Variants in NEK10 observed in about 807,000 individuals in gnomAD.
NEK10 encodes NIMA related kinase 10.
A neutral mutation model predicts 159.8 loss-of-function variants in NEK10; 122 were observed. The observed-to-expected ratio is 0.76, with a 90% CI of 0.66 to 0.89. The LOEUF is 0.89. Ranked by LOEUF, NEK10 falls within the 40% of genes least tolerant of loss-of-function variation. The pLI is 0.00. For missense variants in NEK10, 1,342 were observed against 1,323.1 expected, an observed-to-expected ratio of 1.01 and a Z score of -0.22; for synonymous variants, 466 against 457.1, an observed-to-expected ratio of 1.02 and a Z score of -0.25.
rs1939235634 is a variant in NEK10 at position 27,108,830 on chromosome 3, GATGTGACTCT to G, written c.*2432_*2441del. Among the ~76,000 whole-genome samples, 1 of 152,120 alleles carries G rather than the reference GATGTGACTCT, an allele frequency of 6.6e-6. No homozygotes were observed. Among genetic ancestry groups the G allele is most frequent in the Admixed American group, 6.5e-5 (1 of 15,270 alleles). On this transcript the variant is annotated 3_prime_UTR_variant, in exon 36 of 36. Coordinates refer to ENST00000691995, the MANE Select transcript of NEK10 (RefSeq NM_001394966.1). Reference sequence around the variant, plus strand: ...TCTGAAAAGTTAACTTCTCTGTTGGGATGTGACTCTATGTACAAAATGGTGCTTTTGCCAG... The same window carrying G: ...TCTGAAAAGTTAACTTCTCTGTTGGGATGTACAAAATGGTGCTTTTGCCAG...
At chr3:27,201,435 AT>A in intron 25 of NEK10, 74 bp downstream of exon 25, 1 of 1,270,818 alleles carries the variant, frequency 7.9e-7, no homozygotes, top group East Asian at 2.3e-5. Flanking sequence ...CCTTTTATCC[AT>A]AAATAGTGAT....
chr3:27,364,922 C>T (rs2048951059), intron 1 of NEK10, among the ~76,000 whole-genome samples: 1 of 152,184 alleles, frequency 6.6e-6, no homozygotes, highest in Non-Finnish European at 1.5e-5. Context: ...AAGGTAGCTA[C>T]CCTTACTGTC....
At chr3:27,221,276 T>G (rs1451183048) in intron 23 of NEK10, among the ~76,000 whole-genome samples, 2 of 152,168 alleles carry the variant, frequency 1.3e-5, no homozygotes, top group East Asian at 3.8e-4. Flanking sequence ...ATATCTGCTT[T>G]CCAAAATAAG....
chr3:27,235,227 G>T (rs189972403), intron 23 of NEK10, among the ~76,000 whole-genome samples: 242 of 152,016 alleles, frequency 1.6e-3, no homozygotes, highest in African/African-American at 5.4e-3. Context: ...TGATGAAGAT[G>T]CCAAAAGTAA....
intron 32 of NEK10, among the ~76,000 whole-genome samples, chr3:27,131,127 A>C (rs905621217): frequency 1.3e-5 from 2 of 152,228 alleles, no homozygotes; most frequent in African/African-American, 4.8e-5. Context: ...CACTGGCAGC[A>C]TGACTATGCT....
At chr3:27,348,075 A>T (rs960513157) in intron 3 of NEK10, among the ~76,000 whole-genome samples, 3 of 152,228 alleles carry the variant, frequency 2.0e-5, no homozygotes, top group Non-Finnish European at 4.4e-5. Context: ...AAAATTTGTC[A>T]TTACAAATTA....
At position 27,317,836 on chromosome 3, in the gene NEK10, T is replaced by C. The variant is rs573373195; in HGVS notation, c.448-3498A>G. 1.8e-3 allele frequency among the ~76,000 whole-genome samples: 276 copies of C among 152,298 alleles called. 6 individuals carry two copies. Among genetic ancestry groups the C allele is most frequent in the Admixed American group, 0.013 (201 of 15,292 alleles). On this transcript the variant is annotated intron_variant, in intron 6 of 35. Coordinates refer to ENST00000691995, the MANE Select transcript of NEK10 (RefSeq NM_001394966.1). ...TATTTATTTTGAGACAGAGTCTCCC[T>C]CTGTTGCCCAGGCTGGAGTGCAGTG...
At chr3:27,351,328 A>C (rs1187989419) in intron 3 of NEK10, among the ~76,000 whole-genome samples, 1 of 152,022 alleles carries the variant, frequency 6.6e-6, no homozygotes, top group African/African-American at 2.4e-5. Context: ...CTCTTTAAGA[A>C]AGAACGGACT....
At chr3:27,252,885 T>C (rs1197185167) in intron 23 of NEK10, 2 of 514,212 alleles carry the variant, frequency 3.9e-6, no homozygotes, top group Admixed American at 2.0e-5. Flanking sequence ...CTTGTGGCCA[T>C]ACTGAGGGCT....
chr3:27,119,968 G>T lies in NEK10; in HGVS notation c.3082-100C>A, dbSNP rs1231000162. 43 of 790,964 alleles carry T rather than the reference G, an allele frequency of 5.4e-5. 1 individual carries two copies. Among genetic ancestry groups the T allele is most frequent in the Admixed American group, 5.0e-4 (24 of 47,604 alleles). The allele number at this position is 790,964 out of a possible 1,614,324, so 49.0% of individuals were successfully genotyped here. A position where few individuals can be genotyped will look rare whatever the true frequency, so the allele number is the denominator to read the frequency against. ...TTTCATTTCCCTATGTCTCTGCACA[G>T]AAAATTTAGTGTTCTGTGGTTTTCA... On this transcript the variant is annotated intron_variant, in intron 32 of 35. Coordinates refer to ENST00000691995, the MANE Select transcript of NEK10 (RefSeq NM_001394966.1).
At chr3:27,205,094 T>G (rs940753007) in intron 23 of NEK10, among the ~76,000 whole-genome samples, 8 of 152,276 alleles carry the variant, frequency 5.3e-5, no homozygotes, top group African/African-American at 1.9e-4. Flanking sequence ...GTTTTTAGGC[T>G]GCATAAATGT....
At chr3:27,333,169 C>A (rs2046545600) in intron 5 of NEK10, among the ~76,000 whole-genome samples, 1 of 152,064 alleles carries the variant, frequency 6.6e-6, no homozygotes, top group African/African-American at 2.4e-5. Flanking sequence ...AGGAAGACTA[C>A]AATACAGGGA....
At chr3:27,226,679 A>G (rs1449587484) in intron 23 of NEK10, among the ~76,000 whole-genome samples, 1 of 152,212 alleles carries the variant, frequency 6.6e-6, no homozygotes, top group African/African-American at 2.4e-5. Flanking sequence ...TATAAATCTT[A>G]AAAGAAAACA....
intron 5 of NEK10, among the ~76,000 whole-genome samples, chr3:27,342,281 G>T (rs1277470480): frequency 6.6e-6 from 1 of 152,046 alleles, no homozygotes; most frequent in Non-Finnish European, 1.5e-5. Context: ...AGGTCCTGAG[G>T]TGTAATTCTT....
intron 22 of NEK10, 57 bp from the exon 23 acceptor site, chr3:27,256,428 TC>T (rs1224284328): frequency 1.9e-6 from 2 of 1,059,694 alleles, no homozygotes; most frequent in African/African-American, 1.7e-5. Flanking sequence ...TTATCATTGT[TC>T]CTTAGCATTT....
intron 1 of NEK10, among the ~76,000 whole-genome samples, chr3:27,366,692 T>C (rs1181380242): frequency 2.0e-5 from 3 of 152,144 alleles, no homozygotes; most frequent in Non-Finnish European, 4.4e-5. Context: ...TGTGATCAAG[T>C]ACTATAACAA....
intron 26 of NEK10, among the ~76,000 whole-genome samples, chr3:27,175,409 A>G (rs563298738): frequency 6.6e-6 from 1 of 152,300 alleles, no homozygotes; most frequent in African/African-American, 2.4e-5. Flanking sequence ...GAATCCTCCA[A>G]AACGGATGGA....
At chr3:27,357,307 G>T (rs1052300280) in intron 1 of NEK10, among the ~76,000 whole-genome samples, 5 of 151,912 alleles carry the variant, frequency 3.3e-5, no homozygotes, top group African/African-American at 1.2e-4. Flanking sequence ...ACGGATAAAA[G>T]GATTATTTTA....
intron 11 of NEK10, among the ~76,000 whole-genome samples, chr3:27,307,556 G>A (rs4973760): frequency 0.4 from 60,690 of 151,960 alleles, 15,793 homozygotes; most frequent in African/African-American, 0.75. Flanking sequence ...AGCCACCTCA[G>A]AGTTTCTTTC....
Sources: allele counts gnomAD v4.1 joint callset (sites outside exome capture counted in the v4.1 genomes callset), GRCh38; gene constraint gnomAD v4.1.1; transcripts MANE v1.5; gene names NCBI Gene and HGNC (gene_info 2026-07-23, HGNC 2026-07-21).